Variants in ZFPM2 observed in about 807,000 individuals in gnomAD.
ZFPM2 encodes the protein zinc finger protein ZFPM2.
In ZFPM2, 20 loss-of-function variants were observed where a neutral mutation model predicts 98.6. The ratio of observed to expected loss-of-function variants is 0.20; its 90% CI spans 0.14 to 0.29. The LOEUF is 0.29. ZFPM2 is among the 10% of genes least tolerant of loss of function. The probability of loss-of-function intolerance (pLI) is 1.00; values close to 1 mark genes in which losing one functional copy is unlikely to be tolerated. For synonymous variants in ZFPM2, 518 were observed against 502.7 expected (o/e 1.03, Z -0.41); for missense variants, 1,310 against 1,388.6 (o/e 0.94, Z 0.90).
intron 4 of ZFPM2, among the ~76,000 whole-genome samples, chr8:105,622,470 G>A (rs1243949659): frequency 6.6e-6 from 1 of 152,092 alleles, no homozygotes; most frequent in Non-Finnish European, 1.5e-5. Flanking sequence ...TGAGCACAGA[G>A]ATCTTGCCTT....
intron 2 of ZFPM2, among the ~76,000 whole-genome samples, chr8:105,426,978 A>T (rs1022017517): frequency 6.6e-6 from 1 of 152,116 alleles, no homozygotes; most frequent in Non-Finnish European, 1.5e-5. Context: ...ATAGTGTCCT[A>T]TAAGTGCTTT....
At chr8:105,404,864 T>A (rs1563643416) in intron 1 of ZFPM2, among the ~76,000 whole-genome samples, 1 of 152,026 alleles carries the variant, frequency 6.6e-6, no homozygotes, top group Non-Finnish European at 1.5e-5. Flanking sequence ...ACTTATTATA[T>A]AAGTAAAAAC....
chr8:105,725,571 G>A (rs1811791233), intron 5 of ZFPM2, among the ~76,000 whole-genome samples: 1 of 151,642 alleles, frequency 6.6e-6, no homozygotes, highest in South Asian at 2.1e-4. Flanking sequence ...CAGTACTTCA[G>A]GCATAAATCA....
At chr8:105,651,482 T>A (rs573005658) in intron 5 of ZFPM2, among the ~76,000 whole-genome samples, 2 of 135,246 alleles carry the variant, frequency 1.5e-5, no homozygotes, top group South Asian at 4.7e-4. Flanking sequence ...AAAAAAAAAA[T>A]CCCACCTGTC....
chr8:105,427,314 A>T (rs750182433), intron 2 of ZFPM2, among the ~76,000 whole-genome samples: 66 of 152,256 alleles, frequency 4.3e-4, no homozygotes, highest in Non-Finnish European at 6.8e-4. Flanking sequence ...AATTAAAGTG[A>T]TTAATTTTAT....
chr8:105,528,690 C>T (rs1814227682), intron 3 of ZFPM2, among the ~76,000 whole-genome samples: 1 of 151,970 alleles, frequency 6.6e-6, no homozygotes, highest in Non-Finnish European at 1.5e-5. Flanking sequence ...ATTCTAAAAG[C>T]ATGAAAGGAA....
intron 1 of ZFPM2, among the ~76,000 whole-genome samples, chr8:105,368,315 A>G (rs1810549094): frequency 6.6e-6 from 1 of 152,234 alleles, no homozygotes; most frequent in South Asian, 2.1e-4. Context: ...CAGTACCACA[A>G]GGAGAATTCT....
intron 1 of ZFPM2, among the ~76,000 whole-genome samples, chr8:105,410,893 T>C (rs1811563194): frequency 6.6e-6 from 1 of 151,836 alleles, no homozygotes; most frequent in Admixed American, 6.6e-5. Context: ...GATGTTTTTG[T>C]TGTGGTAGCA....
chr8:105,553,968 G>A (rs1225589090), intron 3 of ZFPM2, among the ~76,000 whole-genome samples: 1 of 152,098 alleles, frequency 6.6e-6, no homozygotes, highest in Admixed American at 6.5e-5. Context: ...GAGTCAGAAG[G>A]GATAAGATCA....
At chr8:105,362,536 G>A (rs143079806) in intron 1 of ZFPM2, among the ~76,000 whole-genome samples, 34 of 152,106 alleles carry the variant, frequency 2.2e-4, no homozygotes, top group Admixed American at 2.0e-3. Flanking sequence ...TTATTGCTGC[G>A]TTCTGTTGAT....
intron 5 of ZFPM2, among the ~76,000 whole-genome samples, chr8:105,652,060 G>C (rs62528603): frequency 0.21 from 32,007 of 151,352 alleles, 3,687 homozygotes; most frequent in East Asian, 0.47. Flanking sequence ...AGATGCAAAA[G>C]ATGTTGTCAA....
At chr8:105,557,518 C>T (rs1026266116) in intron 3 of ZFPM2, among the ~76,000 whole-genome samples, 10 of 152,124 alleles carry the variant, frequency 6.6e-5, no homozygotes, top group Admixed American at 1.3e-4. Flanking sequence ...ACCTGTGTAA[C>T]ATTCTAGGAT....
At position 105,398,429 on chromosome 8, in the gene ZFPM2, C is replaced by T. The variant is rs146645032; in HGVS notation, c.41-20715C>T. Among the ~76,000 whole-genome samples, 10 of 152,250 alleles carry T rather than the reference C, an allele frequency of 6.6e-5. 1 individual carries two copies. The highest frequency in any genetic ancestry group is 6.2e-4 in the South Asian group (3 of 4,824). The stretch of plus-strand genomic sequence containing the variant: ...AGAACAAACATTGTGATGGATTTTG[C>T]TAAACGATGATTTTTGTCTTCTCCA... On this transcript the variant is annotated intron_variant, in intron 1 of 7. Transcript: ENST00000407775.
At chr8:105,774,551 A>G (rs3779781) in intron 5 of ZFPM2, among the ~76,000 whole-genome samples, 8,664 of 152,266 alleles carry the variant, frequency 0.057, 309 homozygotes, top group East Asian at 0.12. Context: ...CATGAAAACA[A>G]GTATAGTATT....
chr8:105,699,283 A>C (rs2130953713), intron 5 of ZFPM2, among the ~76,000 whole-genome samples: 1 of 152,212 alleles, frequency 6.6e-6, no homozygotes, highest in East Asian at 1.9e-4. Context: ...CTATTCTAAT[A>C]AATCTGTTTT....
chr8:105,673,579 C>T (rs566366394), intron 5 of ZFPM2, among the ~76,000 whole-genome samples: 1 of 152,194 alleles, frequency 6.6e-6, no homozygotes, highest in African/African-American at 2.4e-5. Flanking sequence ...CTTTGGTGAA[C>T]ACTGCCAGCT....
intron 1 of ZFPM2, among the ~76,000 whole-genome samples, chr8:105,360,330 CATTTT>C (rs959716491): frequency 1.8e-4 from 28 of 151,872 alleles, no homozygotes; most frequent in Admixed American, 1.4e-3. Flanking sequence ...TTTAAAAACT[CATTTT>C]TATTTTTACT....
chr8:105,699,626 T>A (rs1427108519), intron 5 of ZFPM2, among the ~76,000 whole-genome samples: 40 of 152,164 alleles, frequency 2.6e-4, no homozygotes, highest in Admixed American at 2.6e-3. Flanking sequence ...CAAAAGTGAA[T>A]AATGGCAATG....
intron 1 of ZFPM2, among the ~76,000 whole-genome samples, chr8:105,327,988 T>G (rs369385595): frequency 1.3e-4 from 20 of 151,892 alleles, no homozygotes; most frequent in Admixed American, 8.5e-4. Flanking sequence ...GTGTGTGTGT[T>G]TTTTCTTTTT....
Sources: allele counts gnomAD v4.1 joint callset (sites outside exome capture counted in the v4.1 genomes callset), GRCh38; gene constraint gnomAD v4.1.1; transcripts MANE v1.5; gene names NCBI Gene and HGNC (gene_info 2026-07-23, HGNC 2026-07-21).